UBE2L3: variants seen among roughly 807,000 people sequenced by gnomAD.
The protein encoded by UBE2L3 is ubiquitin-conjugating enzyme E2 L3.
In UBE2L3, 1 loss-of-function variant was observed where a neutral mutation model predicts 17.8. The ratio of observed to expected loss-of-function variants is 0.06; its 90% CI spans 0.02 to 0.27. The LOEUF (loss-of-function observed/expected upper bound fraction) is 0.27, where lower values mean the gene tolerates loss of function less well. Ranked by LOEUF, UBE2L3 falls within the 10% of genes least tolerant of loss-of-function variation. The pLI is 1.00. For missense variants in UBE2L3, 40 were observed against 192.6 expected (o/e 0.21, Z 4.69); for synonymous variants, 44 against 68.5 (o/e 0.64, Z 1.76).
intron 3 of UBE2L3, among the ~76,000 whole-genome samples, chr22:21,612,936 G>A (rs910511566): frequency 7.9e-5 from 12 of 152,060 alleles, no homozygotes; most frequent in Non-Finnish European, 1.0e-4. Flanking sequence ...CATGCCCGGC[G>A]AGCCTGGTTT....
chr22:21,585,525 G>A (rs1455934360), intron 1 of UBE2L3, among the ~76,000 whole-genome samples: 3 of 152,176 alleles, frequency 2.0e-5, no homozygotes, highest in African/African-American at 4.8e-5. Flanking sequence ...AAAGCCATTC[G>A]ATTCTCCTCA....
chr22:21,583,726 T>TCAGG (rs1927768399), intron 1 of UBE2L3, among the ~76,000 whole-genome samples: 1 of 152,106 alleles, frequency 6.6e-6, no homozygotes, highest in Non-Finnish European at 1.5e-5. Context: ...CTGCCCCGAG[T>TCAGG]CAGGGGGGCT....
intron 1 of UBE2L3, among the ~76,000 whole-genome samples, chr22:21,581,940 C>T (rs1927660404): frequency 6.7e-6 from 1 of 149,590 alleles, no homozygotes; most frequent in Non-Finnish European, 1.5e-5. Context: ...GGCAAAACCC[C>T]ATGTCTACTG....
chr22:21,558,877 G>A (rs1451622138), intron 1 of UBE2L3, among the ~76,000 whole-genome samples: 2 of 151,912 alleles, frequency 1.3e-5, no homozygotes, highest in Non-Finnish European at 2.9e-5. Context: ...CACATGATAG[G>A]TGCTCAGTAA....
intron 1 of UBE2L3, among the ~76,000 whole-genome samples, chr22:21,560,015 G>A (rs2148391198): frequency 6.6e-6 from 1 of 152,402 alleles, no homozygotes; most frequent in African/African-American, 2.4e-5. Flanking sequence ...TCTGGCTGGG[G>A]CCCCCTGGCC....
At chr22:21,563,260 AT>A (rs750154833), upstream of UBE2L3, among the ~76,000 whole-genome samples, 459 of 126,272 alleles carry the variant, frequency 3.6e-3, 2 homozygotes, top group African/African-American at 0.012. Flanking sequence ...AAAAAAAAAA[AT>A]TTATTACTGG....
upstream of UBE2L3, among the ~76,000 whole-genome samples, chr22:21,565,365 T>C (rs912750595): frequency 6.6e-6 from 1 of 151,692 alleles, no homozygotes; most frequent in African/African-American, 2.4e-5. Flanking sequence ...GTGCTGGGAT[T>C]ACAGGTGTGA....
chr22:21,617,575 G>A (rs1321630631), intron 3 of UBE2L3, among the ~76,000 whole-genome samples: 5 of 152,010 alleles, frequency 3.3e-5, no homozygotes, highest in African/African-American at 9.7e-5. Flanking sequence ...CCTGTTGTAT[G>A]TTTTTAAGCC....
intron 2 of UBE2L3, among the ~76,000 whole-genome samples, chr22:21,603,936 CAG>C (rs1266712059): frequency 2.5e-5 from 3 of 121,202 alleles, no homozygotes; most frequent in African/African-American, 9.8e-5. Context: ...TTTTCTGAGA[CAG>C]GGTCTCACTC....
intron 2 of UBE2L3, among the ~76,000 whole-genome samples, chr22:21,602,135 C>T (rs1444162258): frequency 6.6e-6 from 1 of 152,126 alleles, no homozygotes; most frequent in East Asian, 1.9e-4. Flanking sequence ...TTTGTTAGTT[C>T]ACTGGGTGAA....
At chr22:21,615,663 C>T (rs1273460944) in intron 3 of UBE2L3, among the ~76,000 whole-genome samples, 1 of 152,114 alleles carries the variant, frequency 6.6e-6, no homozygotes, top group East Asian at 1.9e-4. Flanking sequence ...ATAGAGTCTG[C>T]GTTTGCGAAT....
intron 2 of UBE2L3, among the ~76,000 whole-genome samples, chr22:21,602,275 T>G (rs1207992267): frequency 6.6e-6 from 1 of 152,128 alleles, no homozygotes; most frequent in African/African-American, 2.4e-5. Context: ...GCTAGTTAGA[T>G]CCAAACTAGG....
chr22:21,567,990 C>T (rs1033327729), intron 1 of UBE2L3: 24 of 1,360,794 alleles, frequency 1.8e-5, no homozygotes, highest in East Asian at 3.1e-5. Flanking sequence ...CCGCTGTCGG[C>T]CCCTCAGCCC....
chr22:21,599,564 G>A (rs948839443), intron 2 of UBE2L3, among the ~76,000 whole-genome samples: 1 of 152,094 alleles, frequency 6.6e-6, no homozygotes, highest in Non-Finnish European at 1.5e-5. Context: ...CAGAAGCAGG[G>A]CAGCGGTGGG....
intron 1 of UBE2L3, among the ~76,000 whole-genome samples, chr22:21,569,189 A>G (rs1162246495): frequency 6.6e-6 from 1 of 151,948 alleles, no homozygotes; most frequent in Non-Finnish European, 1.5e-5. Context: ...TGAGGTCAGG[A>G]GTTCAAGACC....
intron 3 of UBE2L3, among the ~76,000 whole-genome samples, chr22:21,616,416 C>T (rs1160746813): frequency 2.0e-5 from 3 of 151,774 alleles, no homozygotes; most frequent in Admixed American, 6.6e-5. Context: ...TTTGGGAGGC[C>T]GAGGTGGGCG....
At chr22:21,557,136 G>A (rs187702918) in intron 1 of UBE2L3, among the ~76,000 whole-genome samples, 6 of 152,376 alleles carry the variant, frequency 3.9e-5, no homozygotes, top group African/African-American at 9.6e-5. Context: ...AGGCTGAGAC[G>A]GGCAGATCAC....
chr22:21,597,255 C>T (rs986815619), intron 2 of UBE2L3, among the ~76,000 whole-genome samples: 1 of 152,162 alleles, frequency 6.6e-6, no homozygotes, highest in African/African-American at 2.4e-5. Flanking sequence ...GCTGGGATTA[C>T]AGGCTTGAGC....
chr22:21,567,609 G>A, upstream of UBE2L3: 6 of 1,518,716 alleles, frequency 4.0e-6, no homozygotes, highest in Non-Finnish European at 5.3e-6. Flanking sequence ...CAGCACAGTG[G>A]GAAGCACACA....
Sources: allele counts gnomAD v4.1 joint callset (sites outside exome capture counted in the v4.1 genomes callset), GRCh38; gene constraint gnomAD v4.1.1; transcripts MANE v1.5; gene names NCBI Gene and HGNC (gene_info 2026-07-23, HGNC 2026-07-21).